SPATA3: variants seen among roughly 807,000 people sequenced by gnomAD.
SPATA3 encodes the protein spermatogenesis associated 3.
A neutral mutation model predicts 5.7 loss-of-function variants in SPATA3; 6 were observed. That is an observed-to-expected ratio of 1.06 (90% CI 0.58 to 2.09). The LOEUF (loss-of-function observed/expected upper bound fraction) is 2.09, where lower values mean the gene tolerates loss of function less well. Ranked by LOEUF, SPATA3 falls within the 30% of genes most tolerant of loss-of-function variation. The pLI is 0.00. For missense variants in SPATA3, 155 were observed against 130.4 expected (o/e 1.19, Z -0.92); for synonymous variants, 44 against 48.4 (o/e 0.91, Z 0.37).
downstream of SPATA3, among the ~76,000 whole-genome samples, chr2:231,003,019 C>T (rs1250247984): frequency 6.6e-6 from 1 of 152,098 alleles, no homozygotes; most frequent in Admixed American, 6.5e-5. Context: ...AAACAGAGCC[C>T]CCACCTCCTC....
At chr2:231,019,490 A>G (rs964825267) in intron 6 of SPATA3, among the ~76,000 whole-genome samples, 2 of 137,360 alleles carry the variant, frequency 1.5e-5, no homozygotes, top group African/African-American at 5.6e-5. Context: ...CGCCTGGCTA[A>G]TTTTTTTGTA....
At chr2:231,019,462 T>C (rs1574680642) in intron 6 of SPATA3, among the ~76,000 whole-genome samples, 3 of 149,554 alleles carry the variant, frequency 2.0e-5, no homozygotes, top group African/African-American at 7.4e-5. Context: ...TAGCTGGGAC[T>C]ACAGGCACCT....
At chr2:231,005,025 C>T (rs796569883), downstream of SPATA3, among the ~76,000 whole-genome samples, 39 of 69,584 alleles carry the variant, frequency 5.6e-4, no homozygotes, top group South Asian at 3.1e-3. Context: ...ATCACCATCA[C>T]CATCATCACC....
At chr2:231,000,297 T>C in intron 1 of SPATA3, 69 bp from the exon 2 acceptor site, 1 of 1,362,882 alleles carries the variant, frequency 7.3e-7, no homozygotes, top group African/African-American at 1.5e-5. Context: ...TCAGACTGTG[T>C]TCCAGACTCC....
In SPATA3 at chr2:230,996,394, C is replaced by T. The variant is rs1692122575; in HGVS notation, c.791-3972C>T. 11 of 1,551,974 alleles carry T rather than the reference C, an allele frequency of 7.1e-6. No individual in the cohort carries two copies. The highest frequency in any genetic ancestry group is 2.4e-5 in the East Asian group (1 of 40,912). Reference sequence around the variant, plus strand: ...CCACAGCAGCCTAGCCCTGAATCCACACCACAGCATTCCAGCCTTGAAACC... The same window carrying T: ...CCACAGCAGCCTAGCCCTGAATCCATACCACAGCATTCCAGCCTTGAAACC... On this transcript the variant is annotated intron_variant, in intron 1 of 2. Coordinates refer to ENST00000645363, the Ensembl canonical transcript of SPATA3.
downstream of SPATA3, among the ~76,000 whole-genome samples, chr2:231,005,469 CCAT>C (rs1692573107): frequency 4.8e-5 from 4 of 82,588 alleles, no homozygotes; most frequent in East Asian, 9.1e-4. Context: ...ACCACCACCA[CCAT>C]CATCACCACC....
intron 4 of SPATA3, chr2:231,012,526 T>A (rs1411376860): frequency 6.6e-6 from 1 of 152,256 alleles, no homozygotes; most frequent in African/African-American, 2.4e-5. Context: ...TGCAGTCTGC[T>A]GCAGGATGAC....
intron 1 of SPATA3, among the ~76,000 whole-genome samples, chr2:230,997,753 G>C (rs1198351652): frequency 2.6e-5 from 4 of 152,194 alleles, no homozygotes; most frequent in Non-Finnish European, 5.9e-5. Context: ...TTGTGTAGAG[G>C]GAATTCAAGT....
intron 6 of SPATA3, among the ~76,000 whole-genome samples, chr2:231,017,402 C>T (rs570446836): frequency 6.6e-5 from 10 of 152,270 alleles, no homozygotes; most frequent in African/African-American, 2.4e-4. Context: ...TGTCTACATC[C>T]GGAGAGAGTG....
chr2:231,002,002 G>T (rs1692370701), intron 2 of SPATA3, among the ~76,000 whole-genome samples: 1 of 152,192 alleles, frequency 6.6e-6, no homozygotes, highest in Admixed American at 6.5e-5. Flanking sequence ...CTGGGTGCAG[G>T]AAAAGGCAAG....
exon 6 of SPATA3, chr2:231,013,876 TCTCA>T (rs1283005452): frequency 6.7e-6 from 1 of 149,798 alleles, no homozygotes; most frequent in African/African-American, 2.5e-5. Flanking sequence ...TTTTTGAGGG[TCTCA>T]CTCTGTCACC....
intron 1 of SPATA3, chr2:230,999,854 A>G (rs1221949026): frequency 5.9e-6 from 1 of 168,498 alleles, no homozygotes; most frequent in African/African-American, 2.4e-5. Flanking sequence ...ATTAAACGTG[A>G]GAAAGCCTGA....
intron 1 of SPATA3, chr2:230,996,300 A>G (rs1380244929): frequency 6.5e-7 from 1 of 1,549,564 alleles, no homozygotes; most frequent in Admixed American, 2.0e-5. Flanking sequence ...CCAGCATGCT[A>G]GCTCCAATTC....
chr2:230,996,803 G>C lies in SPATA3; in HGVS notation c.791-3563G>C, dbSNP rs142426068. On this transcript the variant is annotated intron_variant, in intron 1 of 2. Coordinates refer to ENST00000645363, the Ensembl canonical transcript of SPATA3. ...GTTCCATAGTAATACTTGCTCACTAGGAATCAGCAGTGCCATGCAACTGCT... is the reference window on the plus strand; with the variant it reads ...GTTCCATAGTAATACTTGCTCACTACGAATCAGCAGTGCCATGCAACTGCT... 1.1e-3 allele frequency among the ~76,000 whole-genome samples: 165 copies of C among 152,286 alleles called. 1 individual carries two copies. Among genetic ancestry groups the C allele is most frequent in the African/African-American group, 3.7e-3 (152 of 41,564 alleles).
downstream of SPATA3, among the ~76,000 whole-genome samples, chr2:231,003,683 C>T (rs1348394031): frequency 6.6e-6 from 1 of 152,114 alleles, no homozygotes; most frequent in Admixed American, 6.6e-5. Flanking sequence ...GGGTGCTTCC[C>T]TAGAGGAGGG....
chr2:231,000,281 G>A, intron 1 of SPATA3, 85 bp from the exon 2 acceptor site: 3 of 1,231,806 alleles, frequency 2.4e-6, no homozygotes, highest in Middle Eastern at 2.6e-4. Flanking sequence ...GTTGTGGGGG[G>A]CCTTCTCAGA....
At chr2:231,010,646 G>A (rs1005074232), downstream of SPATA3, among the ~76,000 whole-genome samples, 1 of 152,116 alleles carries the variant, frequency 6.6e-6, no homozygotes, top group East Asian at 1.9e-4. Context: ...GAGATAGGAG[G>A]GCAGGAGAAG....
rs1488083338 is a variant in SPATA3, at chr2:231,014,521, T to C, written c.*565+309T>C. 2.6e-5 allele frequency among the ~76,000 whole-genome samples: 4 copies of C among 152,318 alleles called. No individual in the cohort carries two copies. In the East Asian group the frequency reaches 5.8e-4, roughly 22 times the overall value. On this transcript the variant is annotated intron_variant, in intron 6 of 8. Transcript: ENST00000452881. ...CTTGGGGTCTGGAGTAAGTCTCCTT[T>C]TTCCAGTAACACTGTGTGTGTTCCT...
chr2:231,011,304 G>A (rs754619507), downstream of SPATA3, among the ~76,000 whole-genome samples: 4 of 151,892 alleles, frequency 2.6e-5, no homozygotes, highest in South Asian at 2.1e-4. Context: ...TAGTAGAGAC[G>A]GGGTTTCACC....
Sources: allele counts gnomAD v4.1 joint callset (sites outside exome capture counted in the v4.1 genomes callset), GRCh38; gene constraint gnomAD v4.1.1; transcripts MANE v1.5; gene names NCBI Gene and HGNC (gene_info 2026-07-23, HGNC 2026-07-21).